Variants in KALRN observed in about 807,000 individuals in gnomAD.
KALRN encodes kalirin RhoGEF kinase.
Under a neutral mutation model 353.7 loss-of-function variants are expected in KALRN, and 70 were observed. That is an observed-to-expected ratio of 0.20 (90% CI 0.16 to 0.24). The LOEUF is 0.24. Among genes scored for constraint, KALRN ranks in the 10% least tolerant of loss-of-function variants. The probability of loss-of-function intolerance (pLI) is 1.00; values close to 1 mark genes in which losing one functional copy is unlikely to be tolerated. For missense variants in KALRN, 2,791 were observed against 3,756.7 expected (o/e 0.74, Z 6.72); for synonymous variants, 1,391 against 1,434.8 (o/e 0.97, Z 0.69).
At chr3:124,264,760 C>A (rs1490861455) in intron 4 of KALRN, 70 bp downstream of exon 4, 5 of 1,326,438 alleles carry the variant, frequency 3.8e-6, no homozygotes, top group Non-Finnish European at 5.4e-6. Context: ...TTTCTCACGT[C>A]CTCTTCTCTA....
intron 6 of KALRN, among the ~76,000 whole-genome samples, chr3:124,307,970 A>G (rs1226553615): frequency 6.6e-6 from 1 of 152,032 alleles, no homozygotes; most frequent in Non-Finnish European, 1.5e-5. Context: ...GGATAGAAAA[A>G]CATGTATTAT....
chr3:124,189,020 T>C (rs981968343), intron 1 of KALRN, among the ~76,000 whole-genome samples: 4 of 152,222 alleles, frequency 2.6e-5, no homozygotes, highest in African/African-American at 7.2e-5. Flanking sequence ...ATCTTTCTTA[T>C]ACTTGTCAGT....
At chr3:124,074,581 A>G (rs1421276614) in intron 1 of KALRN, among the ~76,000 whole-genome samples, 2 of 152,242 alleles carry the variant, frequency 1.3e-5, no homozygotes, top group African/African-American at 2.4e-5. Context: ...AAGTAGATCC[A>G]TCCCTCACAC....
chr3:124,592,656 CA>C (rs2075915450), intron 34 of KALRN, among the ~76,000 whole-genome samples: 1 of 152,194 alleles, frequency 6.6e-6, no homozygotes, highest in Non-Finnish European at 1.5e-5. Flanking sequence ...TTCCAGCCCC[CA>C]TGGTGCTGGA....
intron 34 of KALRN, among the ~76,000 whole-genome samples, chr3:124,594,506 G>A (rs188756819): frequency 1.1e-3 from 170 of 152,360 alleles, no homozygotes; most frequent in African/African-American, 3.8e-3. Context: ...TTACAGGTGT[G>A]AGCCACCGCG....
At chr3:124,491,099 C>T (rs1047137007) in intron 30 of KALRN, among the ~76,000 whole-genome samples, 1 of 152,084 alleles carries the variant, frequency 6.6e-6, no homozygotes, top group Non-Finnish European at 1.5e-5. Flanking sequence ...GCTTTTAGCA[C>T]CTCCCTCTTC....
intron 1 of KALRN, among the ~76,000 whole-genome samples, chr3:124,155,511 C>T (rs973982434): frequency 6.6e-6 from 1 of 152,280 alleles, no homozygotes; most frequent in Non-Finnish European, 1.5e-5. Context: ...ATTTCCAGAT[C>T]CACTGCCCCA....
At chr3:124,418,317 C>A (rs1176009444) in intron 14 of KALRN, among the ~76,000 whole-genome samples, 3 of 152,136 alleles carry the variant, frequency 2.0e-5, no homozygotes, top group Non-Finnish European at 2.9e-5. Context: ...AATGTCTGGG[C>A]TCCATCCCTC....
At chr3:124,640,715 C>A (rs1428014207) in intron 37 of KALRN, among the ~76,000 whole-genome samples, 2 of 152,162 alleles carry the variant, frequency 1.3e-5, no homozygotes, top group Non-Finnish European at 2.9e-5. Flanking sequence ...CCAAGGTTAA[C>A]TATGGGGAGA....
chr3:124,244,945 A>G (rs1482568939), intron 3 of KALRN, among the ~76,000 whole-genome samples: 1 of 152,176 alleles, frequency 6.6e-6, no homozygotes, highest in African/African-American at 2.4e-5. Context: ...GTCAAATCAG[A>G]GGCATTGAGA....
intron 1 of KALRN, among the ~76,000 whole-genome samples, chr3:124,103,063 CT>C (rs2062007087): frequency 6.6e-6 from 1 of 152,186 alleles, no homozygotes; most frequent in Non-Finnish European, 1.5e-5. Context: ...GGGTTGCCCC[CT>C]CTACCTGCTG....
chr3:124,328,635 C>G (rs1278759486), intron 7 of KALRN, among the ~76,000 whole-genome samples: 1 of 152,144 alleles, frequency 6.6e-6, no homozygotes, highest in Non-Finnish European at 1.5e-5. Context: ...TAGAAATGGT[C>G]TAGTGTGTTA....
At chr3:124,708,565 A>G (rs113107149) in intron 57 of KALRN, among the ~76,000 whole-genome samples, 11 of 152,310 alleles carry the variant, frequency 7.2e-5, no homozygotes, top group African/African-American at 2.6e-4. Flanking sequence ...AGAAATATAA[A>G]TTATCTGACA....
At chr3:124,607,533 A>G (rs1481613543) in intron 34 of KALRN, among the ~76,000 whole-genome samples, 2 of 152,238 alleles carry the variant, frequency 1.3e-5, no homozygotes, top group East Asian at 1.9e-4. Context: ...TGTATGACAT[A>G]CTTTTTAAAG....
chr3:124,292,789 A>G (rs764666024), intron 5 of KALRN, among the ~76,000 whole-genome samples: 17 of 152,244 alleles, frequency 1.1e-4, no homozygotes, highest in Non-Finnish European at 1.9e-4. Context: ...TATGTGCAAT[A>G]GAATATATGC....
At chr3:124,153,620 T>C (rs2068528833) in intron 1 of KALRN, among the ~76,000 whole-genome samples, 1 of 151,624 alleles carries the variant, frequency 6.6e-6, no homozygotes, top group East Asian at 1.9e-4. Flanking sequence ...TATAATCCTT[T>C]GGGTATATAC....
intron 1 of KALRN, chr3:124,163,555 G>A (rs1258342941): frequency 3.1e-6 from 3 of 979,376 alleles, no homozygotes; most frequent in East Asian, 2.3e-4. Context: ...AAATCTGTCA[G>A]TGACATGAAA....
At chr3:124,515,928 A>C (rs896380609) in intron 33 of KALRN, among the ~76,000 whole-genome samples, 1 of 152,122 alleles carries the variant, frequency 6.6e-6, no homozygotes, top group East Asian at 1.9e-4. Flanking sequence ...CTGTGTATGT[A>C]TTTTCTCAGG....
chr3:124,618,676 T>A (rs2078931274), intron 34 of KALRN, among the ~76,000 whole-genome samples: 1 of 152,162 alleles, frequency 6.6e-6, no homozygotes, highest in Admixed American at 6.5e-5. Context: ...GCCTAAGACA[T>A]ACCATGGACT....
Sources: allele counts gnomAD v4.1 joint callset (sites outside exome capture counted in the v4.1 genomes callset), GRCh38; gene constraint gnomAD v4.1.1; transcripts MANE v1.5; gene names NCBI Gene and HGNC (gene_info 2026-07-23, HGNC 2026-07-21).